The following FANCM variants were observed in gnomAD, a reference collection of about 807,000 sequenced individuals.
FANCM encodes the protein Fanconi anemia group M protein.
Under a neutral mutation model 199.5 loss-of-function variants are expected in FANCM, and 140 were observed. The ratio of observed to expected loss-of-function variants is 0.70; its 90% CI spans 0.61 to 0.81. FANCM has a LOEUF of 0.81. Ranked by LOEUF, FANCM falls within the 30% of genes least tolerant of loss-of-function variation. The pLI is 0.00. For missense variants in FANCM, 2,410 were observed against 2,421.4 expected, an observed-to-expected ratio of 1.00 and a Z score of 0.10; for synonymous variants, 840 against 836.8, an observed-to-expected ratio of 1.00 and a Z score of -0.07.
At chr14:45,167,216 A>C (rs1165790961) in intron 11 of FANCM, 53 bp downstream of exon 11, 1 of 990,776 alleles carries the variant, frequency 1.0e-6, no homozygotes, top group Non-Finnish European at 1.6e-6. Context: ...CTTACTTAGC[A>C]GGTCGTATCT....
chr14:45,194,549 A>T (rs1346964153), intron 20 of FANCM, among the ~76,000 whole-genome samples: 1 of 152,188 alleles, frequency 6.6e-6, no homozygotes, highest in Non-Finnish European at 1.5e-5. Flanking sequence ...AGGTTCACTT[A>T]ATAGTAATAT....
At chr14:45,177,670 G>C (rs1888801090) in intron 14 of FANCM, among the ~76,000 whole-genome samples, 1 of 152,156 alleles carries the variant, frequency 6.6e-6, no homozygotes, top group Non-Finnish European at 1.5e-5. Flanking sequence ...GGGATTACAT[G>C]TGTGAGCCAC....
At chr14:45,183,736 T>A in intron 16 of FANCM, 38 bp from the exon 17 acceptor site, 1 of 1,507,664 alleles carries the variant, frequency 6.6e-7, no homozygotes, top group Non-Finnish European at 9.2e-7. Flanking sequence ...GAAGAAAATA[T>A]TTTTTTCTTA....
intron 13 of FANCM, among the ~76,000 whole-genome samples, 167 bp downstream of exon 13, chr14:45,173,377 A>T (rs899009040): frequency 6.6e-6 from 1 of 152,232 alleles, no homozygotes; most frequent in South Asian, 2.1e-4. Context: ...AAATAGATTT[A>T]ATTAATTAGA....
chr14:45,170,948 T>C (rs1190465052), intron 12 of FANCM, among the ~76,000 whole-genome samples: 1 of 151,956 alleles, frequency 6.6e-6, no homozygotes, highest in East Asian at 1.9e-4. Context: ...ACTACTAATT[T>C]TCTTCTATTA....
In FANCM at chr14:45,175,095, G is replaced by T. The variant is rs1179463112; in HGVS notation, c.2341G>T (p.Val781Phe). 4 of 1,610,740 alleles carry T rather than the reference G, an allele frequency of 2.5e-6. No homozygotes were observed. The highest frequency in any genetic ancestry group is 3.4e-6 in the Non-Finnish European group (4 of 1,177,732). The change falls in exon 14 of 23, where the codon GTT becomes TTT. Residue 781 changes from valine to phenylalanine, a missense_variant. Transcript: ENST00000267430. The stretch of plus-strand genomic sequence containing the variant: ...GGGAGAATGCAGCTATGAATTGGAA[G>T]TTGAATCTTATTTACAAATGGAAGA... Reference protein sequence around the residue: ...EEGECSYELEVESYLQMEDVT... With the variant: ...EEGECSYELEFESYLQMEDVT...
chr14:45,154,601 T>TA, intron 6 of FANCM, 96 bp from the exon 7 acceptor site: 1 of 904,134 alleles, frequency 1.1e-6, no homozygotes, highest in Non-Finnish European at 1.7e-6. Context: ...TTGAAAAACT[T>TA]ACATTCATTG....
At chr14:45,199,785 CTG>C (rs1890261754) in intron 22 of FANCM, 83 bp from the exon 23 acceptor site, 10 of 1,177,470 alleles carry the variant, frequency 8.5e-6, no homozygotes, top group Non-Finnish European at 1.3e-5. Flanking sequence ...TTAAAGGCTA[CTG>C]TGTTTGGTGT....
At position 45,176,222 on chromosome 14, in the gene FANCM, C is replaced by G. The variant is rs756947100; in HGVS notation, c.3468C>G (p.Ser1156Arg). 3.7e-6 allele frequency: 6 copies of G among 1,613,876 alleles called. No individual in the cohort carries two copies. In the East Asian group the frequency reaches 1.1e-4, roughly 30 times the overall value. ...DVSLSPLNSK[S>R]ESLPVSDKTA... ...GTCTTTCACCCTTGAACAGTAAAAG[C>G]GAATCTTTACCTGTGTCAGACAAAA... The change falls in exon 14 of 23, where the codon AGC becomes AGG. Residue 1156 changes from serine to arginine, a missense_variant. Transcript: ENST00000267430.
At chr14:45,141,328 CAT>C (rs1255512918) in intron 3 of FANCM, among the ~76,000 whole-genome samples, 1 of 144,222 alleles carries the variant, frequency 6.9e-6, no homozygotes, top group Admixed American at 6.9e-5. Context: ...AAACAAAAAA[CAT>C]AAATGAATAA....
intron 2 of FANCM, among the ~76,000 whole-genome samples, chr14:45,140,290 T>C (rs1594754842): frequency 6.6e-6 from 1 of 152,134 alleles, no homozygotes; most frequent in South Asian, 2.1e-4. Flanking sequence ...CTTGAACTCT[T>C]GAGCTAAAGT....
At chr14:45,193,905 T>G (rs1462630021) in intron 20 of FANCM, among the ~76,000 whole-genome samples, 1 of 152,192 alleles carries the variant, frequency 6.6e-6, no homozygotes, top group Non-Finnish European at 1.5e-5. Flanking sequence ...TGGGTAGTAT[T>G]GTCATCTTAA....
intron 21 of FANCM, among the ~76,000 whole-genome samples, chr14:45,197,458 A>G (rs183299966): frequency 3.3e-3 from 493 of 148,294 alleles, no homozygotes; most frequent in South Asian, 4.7e-3. Context: ...TTGGTTACCC[A>G]ATTTTTTTTT....
rs1416236626 is a variant in FANCM, at chr14:45,164,431, A to G, written c.1654A>G (p.Ile552Val). The part of the protein sequence containing the change: ...STCVGEEGLD[I>V]GEVDLIICFD... ...CTGTGTGGGTGAAGAAGGTTTGGAT[A>G]TAGGAGAAGTTGATCTTATAATATG... Residue 552 changes from isoleucine (I) to valine (V), a missense_variant, in exon 10 of 23, where the codon ATA becomes GTA. Transcript: ENST00000267430. 3 of 1,613,452 alleles carry G rather than the reference A, an allele frequency of 1.9e-6. No individual in the cohort carries two copies. Among genetic ancestry groups the G allele is most frequent in the Non-Finnish European group, 2.5e-6 (3 of 1,179,954 alleles).
chr14:45,151,673 C>A, intron 5 of FANCM, 145 bp downstream of exon 5: 1 of 771,686 alleles, frequency 1.3e-6, no homozygotes, highest in Non-Finnish European at 2.2e-6. Flanking sequence ...GCCTGTAATC[C>A]TAACAGTTTG....
chr14:45,147,900 C>T (rs1160884610), intron 3 of FANCM, among the ~76,000 whole-genome samples: 2 of 145,468 alleles, frequency 1.4e-5, no homozygotes, highest in Non-Finnish European at 3.0e-5. Flanking sequence ...CCAAACCGCC[C>T]CCCCCCCAAA....
At chr14:45,159,556 A>G (rs1487796688) in intron 9 of FANCM, among the ~76,000 whole-genome samples, 3 of 152,164 alleles carry the variant, frequency 2.0e-5, no homozygotes, top group Non-Finnish European at 4.4e-5. Context: ...CTACCACTTA[A>G]AAGTTTCTTT....
chr14:45,173,265 T>C, intron 13 of FANCM, 55 bp downstream of exon 13: 1 of 1,472,096 alleles, frequency 6.8e-7, no homozygotes, highest in Non-Finnish European at 9.5e-7. Flanking sequence ...CTAGAGTACT[T>C]AGCTTTTATT....
At position 45,140,617 on chromosome 14, in the gene FANCM, T is replaced by A. The variant is rs1416613709; in HGVS notation, c.682-15T>A. 6.8e-7 allele frequency: 1 copy of A among 1,476,932 alleles called. No individual in the cohort carries two copies. Among genetic ancestry groups the A allele is most frequent in the African/African-American group, 1.4e-5 (1 of 72,032 alleles). 91.5% of individuals were successfully genotyped at this position (1,476,932 alleles called of 1,614,324 possible). A position where few individuals can be genotyped will look rare whatever the true frequency, so the allele number is the denominator to read the frequency against. ...CATTGAACAGATGAAACTAAAGAAC[T>A]TTTTTTTTCTTAAGGTTGTAAGAGA... On this transcript the variant is annotated splice_polypyrimidine_tract_variant and intron_variant, in intron 2 of 22. Coordinates refer to ENST00000267430, the MANE Select transcript of FANCM (RefSeq NM_020937.4).
Sources: gnomAD v4.1 joint callset for allele counts (sites outside exome capture counted in the v4.1 genomes callset) on GRCh38, gnomAD v4.1.1 for gene constraint, MANE v1.5 for transcripts, NCBI Gene and HGNC (gene_info 2026-07-23, HGNC 2026-07-21) for gene names.